ZNF148: variants seen among roughly 807,000 people sequenced by gnomAD.
ZNF148 encodes the protein Beta-Enolase Repressor Factor-1.
A neutral mutation model predicts 67.7 loss-of-function variants in ZNF148; 7 were observed. The ratio of observed to expected loss-of-function variants is 0.10; its 90% CI spans 0.06 to 0.19. The LOEUF is 0.19. Ranked by LOEUF, ZNF148 falls within the 10% of genes least tolerant of loss-of-function variation. ZNF148 has a pLI of 1.00. For missense variants in ZNF148, 583 were observed against 947.1 expected (o/e 0.62, Z 5.05); for synonymous variants, 333 against 330.7 (o/e 1.01, Z -0.08).
intron 6 of ZNF148, among the ~76,000 whole-genome samples, chr3:125,278,915 A>C (rs1938218399): frequency 6.6e-6 from 1 of 152,158 alleles, no homozygotes; most frequent in South Asian, 2.1e-4. Flanking sequence ...TCCAATTAAG[A>C]CTATTTAATT....
chr3:125,343,365 G>C (rs1258848635), intron 1 of ZNF148, among the ~76,000 whole-genome samples: 2 of 152,162 alleles, frequency 1.3e-5, no homozygotes, highest in African/African-American at 2.4e-5. Context: ...ACTTCCTGGG[G>C]ACTAGGGACT....
chr3:125,293,368 T>C (rs1489747106), intron 4 of ZNF148, among the ~76,000 whole-genome samples: 2 of 152,182 alleles, frequency 1.3e-5, no homozygotes, highest in African/African-American at 2.4e-5. Context: ...TAGACATACA[T>C]GTATTTTCCT....
rs377246488 is a variant in ZNF148, at chr3:125,313,591, A to C, written c.50T>G (p.Ile17Arg). Residue 17 changes from isoleucine (I) to arginine (R), a missense_variant, in exon 4 of 9, where the codon ATA (isoleucine) becomes AGA (arginine). This residue lies in a region of ZNF148 where 150 missense variants were observed against 202.5 expected (regional missense o/e 0.74). Coordinates refer to ENST00000360647, the MANE Select transcript of ZNF148 (RefSeq NM_021964.3). ...TGTCCTGGAAGACTGCATTTCGTCT[A>C]TGCCGCCACATTTAAGAAACAATCC... is the stretch of plus-strand genomic sequence containing the variant. ...LEGLFLKCGG[I>R]DEMQSSRTMV... is the part of the protein sequence containing the mutation. The C allele has an allele frequency of 1.9e-6, 3 of 1,614,022 alleles. No individual in the cohort carries two copies. The highest frequency in any genetic ancestry group is 2.5e-6 in the Non-Finnish European group (3 of 1,179,974).
intron 1 of ZNF148, among the ~76,000 whole-genome samples, chr3:125,372,834 C>A (rs908076519): frequency 6.6e-6 from 1 of 152,042 alleles, no homozygotes; most frequent in Non-Finnish European, 1.5e-5. Context: ...GGGGTGGCGG[C>A]AGGCACCTTT....
intron 3 of ZNF148, among the ~76,000 whole-genome samples, chr3:125,317,679 A>AGAGAGAGAGAGAGAGAGAGAGAGAG (rs61407940): frequency 6.1e-5 from 7 of 114,828 alleles, no homozygotes; most frequent in African/African-American, 6.6e-5. Flanking sequence ...AGAGAGAGAG[A>AGAGAGAGAGAGAGAGAGAGAGAGAG]AATACATATA....
intron 4 of ZNF148, among the ~76,000 whole-genome samples, chr3:125,295,444 C>T (rs564771122): frequency 3.4e-4 from 49 of 142,458 alleles, no homozygotes; most frequent in African/African-American, 1.2e-3. Context: ...CAGAGTGAGA[C>T]TCCATCTCAA....
intron 5 of ZNF148, among the ~76,000 whole-genome samples, chr3:125,282,908 C>A (rs1423771094): frequency 6.6e-6 from 1 of 152,136 alleles, no homozygotes; most frequent in African/African-American, 2.4e-5. Flanking sequence ...TGATTTTTCA[C>A]ATTCAAATGT....
At chr3:125,365,022 C>G (rs1942659359) in intron 1 of ZNF148, among the ~76,000 whole-genome samples, 1 of 152,140 alleles carries the variant, frequency 6.6e-6, no homozygotes, top group East Asian at 1.9e-4. Flanking sequence ...TCTTATTTAT[C>G]CTTCAAGGTC....
chr3:125,304,428 G>A (rs1251947587), intron 4 of ZNF148, among the ~76,000 whole-genome samples: 1 of 152,118 alleles, frequency 6.6e-6, no homozygotes, highest in Non-Finnish European at 1.5e-5. Flanking sequence ...TCTGCTTGGT[G>A]CTAAGGTCTA....
chr3:125,352,697 A>G (rs1037072143), intron 1 of ZNF148, among the ~76,000 whole-genome samples: 5 of 151,878 alleles, frequency 3.3e-5, no homozygotes, highest in African/African-American at 1.2e-4. Context: ...CTCAAATTCA[A>G]CTATAGGTTT....
chr3:125,328,901 T>C (rs955725496), intron 2 of ZNF148, among the ~76,000 whole-genome samples: 2 of 152,008 alleles, frequency 1.3e-5, no homozygotes, highest in African/African-American at 4.8e-5. Flanking sequence ...CTACTGATAT[T>C]TGGCCTTCTT....
chr3:125,293,346 T>C (rs1939117575), intron 4 of ZNF148, among the ~76,000 whole-genome samples: 1 of 152,178 alleles, frequency 6.6e-6, no homozygotes, highest in South Asian at 2.1e-4. Context: ...GTTGTGTGCA[T>C]GTGTGGGTTA....
intron 4 of ZNF148, among the ~76,000 whole-genome samples, chr3:125,310,132 T>G (rs1940121029): frequency 6.7e-6 from 1 of 148,316 alleles, no homozygotes; most frequent in Non-Finnish European, 1.5e-5. Context: ...CAGGCTGGAG[T>G]GCAGTGGCAC....
chr3:125,265,351 A>G (rs1424518884), intron 7 of ZNF148, among the ~76,000 whole-genome samples: 2 of 152,206 alleles, frequency 1.3e-5, no homozygotes, highest in East Asian at 1.9e-4. Flanking sequence ...CATCTCCTTA[A>G]TAACAGCACC....
intron 4 of ZNF148, among the ~76,000 whole-genome samples, chr3:125,302,694 TG>T (rs1388559317): frequency 6.6e-6 from 1 of 152,226 alleles, no homozygotes; most frequent in African/African-American, 2.4e-5. Context: ...ACACTGAAGT[TG>T]TTTTAGAAGA....
chr3:125,374,171 TAC>T (rs1942983413), intron 1 of ZNF148, among the ~76,000 whole-genome samples: 1 of 152,066 alleles, frequency 6.6e-6, no homozygotes, highest in African/African-American at 2.4e-5. Context: ...CAGACCAAAC[TAC>T]AGACTAAAAT....
chr3:125,228,448 TAAATG>T lies in ZNF148; in HGVS notation c.*3888_*3892del, dbSNP rs1480718889. The T allele has an allele frequency of 1.3e-5, 2 of 152,620 alleles. No individual in the cohort carries two copies. The highest frequency in any genetic ancestry group is 1.9e-4 in the East Asian group (1 of 5,202). The allele number at this position is 152,620 out of a possible 1,614,324, so 9.5% of individuals were successfully genotyped here. A position where few individuals can be genotyped will look rare whatever the true frequency, so the allele number is the denominator to read the frequency against. On this transcript the variant is annotated 3_prime_UTR_variant, in exon 9 of 9. Transcript: ENST00000360647. ...AAAACTGATTAAAGATAATCATTAT[TAAATG>T]AAATAAGGATAATTAATAACTCTGA...
chr3:125,356,633 C>G (rs1942351532), intron 1 of ZNF148, among the ~76,000 whole-genome samples: 1 of 152,140 alleles, frequency 6.6e-6, no homozygotes, highest in African/African-American at 2.4e-5. Flanking sequence ...TTTAATCACA[C>G]CATGCCTAAT....
chr3:125,344,418 C>T (rs990099969), intron 1 of ZNF148: 5 of 743,124 alleles, frequency 6.7e-6, no homozygotes, highest in Non-Finnish European at 4.9e-6. Flanking sequence ...TCAGGGACCC[C>T]ATTCCAAAAA....
Sources: gnomAD v4.1 joint callset for allele counts (sites outside exome capture counted in the v4.1 genomes callset) on GRCh38, gnomAD v4.1.1 for gene constraint, gnomAD v4.1.1 regional missense constraint, MANE v1.5 for transcripts, NCBI Gene and HGNC (gene_info 2026-07-23, HGNC 2026-07-21) for gene names.